EXOC6B: variants seen among roughly 807,000 people sequenced by gnomAD.
The protein encoded by EXOC6B is exocyst complex component 6B, also known as SEC15 homolog B.
A neutral mutation model predicts 113.5 loss-of-function variants in EXOC6B; 54 were observed. The ratio of observed to expected loss-of-function variants is 0.48; its 90% CI spans 0.38 to 0.60. The LOEUF (loss-of-function observed/expected upper bound fraction) is 0.60, where lower values mean the gene tolerates loss of function less well. Ranked by LOEUF, EXOC6B falls within the 20% of genes least tolerant of loss-of-function variation. The pLI is 0.00. For missense variants in EXOC6B, 797 were observed against 977.5 expected, an observed-to-expected ratio of 0.82 and a Z score of 2.46; for synonymous variants, 357 against 339.0, an observed-to-expected ratio of 1.05 and a Z score of -0.58.
chr2:72,493,838 C>G (rs1699894005), intron 15 of EXOC6B, among the ~76,000 whole-genome samples: 1 of 152,046 alleles, frequency 6.6e-6, no homozygotes, highest in South Asian at 2.1e-4. Context: ...AATAATTATT[C>G]TTAAAGCTGC....
intron 6 of EXOC6B, among the ~76,000 whole-genome samples, chr2:72,698,477 A>T (rs1678052747): frequency 6.6e-6 from 1 of 152,234 alleles, no homozygotes; most frequent in South Asian, 2.1e-4. Flanking sequence ...ATTAACATTT[A>T]GATGAATACC....
intron 1 of EXOC6B, among the ~76,000 whole-genome samples, chr2:72,799,154 C>A (rs753357358): frequency 6.8e-6 from 1 of 146,342 alleles, no homozygotes; most frequent in Non-Finnish European, 1.5e-5. Flanking sequence ...GCAGGAGAAT[C>A]GCTTGTGCCC....
intron 1 of EXOC6B, among the ~76,000 whole-genome samples, chr2:72,821,999 C>T (rs1686608303): frequency 1.3e-5 from 2 of 151,910 alleles, no homozygotes; most frequent in Non-Finnish European, 2.9e-5. Flanking sequence ...CAATGTATTT[C>T]AATATTAAAT....
chr2:72,508,857 T>A (rs1414569172), intron 11 of EXOC6B, among the ~76,000 whole-genome samples: 1 of 152,090 alleles, frequency 6.6e-6, no homozygotes, highest in Admixed American at 6.6e-5. Context: ...AATCACAATG[T>A]TGTATTGATT....
At chr2:72,807,690 G>C (rs1481988339) in intron 1 of EXOC6B, among the ~76,000 whole-genome samples, 1 of 152,116 alleles carries the variant, frequency 6.6e-6, no homozygotes, top group East Asian at 1.9e-4. Flanking sequence ...CCTGTCATTT[G>C]CAATAACATG....
chr2:72,366,034 G>A (rs1291071220), intron 19 of EXOC6B, among the ~76,000 whole-genome samples: 5 of 152,070 alleles, frequency 3.3e-5, no homozygotes, highest in Non-Finnish European at 7.4e-5. Flanking sequence ...CCAACAATAT[G>A]AAATGTAAAA....
Position 72,389,108 on chromosome 2 carries a change from T to C in EXOC6B, c.1981-9238A>G, listed in dbSNP as rs369974172. 3.3e-5 allele frequency among the ~76,000 whole-genome samples: 5 copies of C among 152,134 alleles called. No homozygotes were observed. In the East Asian group the frequency reaches 9.6e-4, roughly 29 times the overall value. The stretch of plus-strand genomic sequence containing the variant: ...ATCTATTATGTTGATCTTAGTTGTC[T>C]TTTTGTCTAATCTGCTCTGTTTCCT... On this transcript the variant is annotated intron_variant, in intron 18 of 21. Coordinates refer to ENST00000272427, the MANE Select transcript of EXOC6B (RefSeq NM_015189.3).
intron 7 of EXOC6B, among the ~76,000 whole-genome samples, chr2:72,570,138 G>T (rs544027670): frequency 2.0e-5 from 3 of 152,070 alleles, no homozygotes; most frequent in South Asian, 4.2e-4. Flanking sequence ...CAATAGGACT[G>T]GTATCCTTAT....
intron 20 of EXOC6B, among the ~76,000 whole-genome samples, chr2:72,322,124 T>A (rs1298159405): frequency 6.6e-6 from 1 of 152,184 alleles, no homozygotes; most frequent in East Asian, 1.9e-4. Flanking sequence ...TGTACATGAA[T>A]GTTCACAGCA....
At chr2:72,575,397 C>T in intron 7 of EXOC6B, 95 bp downstream of exon 7, 1 of 1,163,268 alleles carries the variant, frequency 8.6e-7, no homozygotes, top group Non-Finnish European at 1.2e-6. Context: ...GAAGATCACA[C>T]AAACTACATT....
At chr2:72,419,907 C>G (rs1386864848) in intron 18 of EXOC6B, among the ~76,000 whole-genome samples, 1 of 151,900 alleles carries the variant, frequency 6.6e-6, no homozygotes, top group Non-Finnish European at 1.5e-5. Context: ...CTCTCTTTTC[C>G]TTCTGGGGTA....
chr2:72,521,619 G>A (rs1408126769), intron 8 of EXOC6B, among the ~76,000 whole-genome samples: 1 of 152,170 alleles, frequency 6.6e-6, no homozygotes, highest in Non-Finnish European at 1.5e-5. Flanking sequence ...TATTAATGGT[G>A]TAACTTTTCA....
At chr2:72,717,093 G>C (rs1679667733) in intron 6 of EXOC6B, among the ~76,000 whole-genome samples, 3 of 152,076 alleles carry the variant, frequency 2.0e-5, no homozygotes, top group Admixed American at 2.0e-4. Context: ...TTATCATCTA[G>C]TTTTAAACTC....
chr2:72,769,786 T>C (rs1208119913), intron 1 of EXOC6B, among the ~76,000 whole-genome samples: 1 of 152,124 alleles, frequency 6.6e-6, no homozygotes, highest in East Asian at 1.9e-4. Context: ...CACTCCAGCC[T>C]GGGCGACAGA....
In EXOC6B at chr2:72,448,943, T is replaced by C. The variant is rs139363384; in HGVS notation, c.1980+16217A>G. Among the ~76,000 whole-genome samples, 118 of 152,322 alleles carry C rather than the reference T, an allele frequency of 7.7e-4. 1 individual carries two copies. In the East Asian group the frequency reaches 8.7e-3, roughly 11 times the overall value. The stretch of plus-strand genomic sequence containing the variant: ...AGAGAGTGTCATTAGCACTCTTTTA[T>C]ATATTCACAAGTTTAAAAAGAGTCG... On this transcript the variant is annotated intron_variant, in intron 18 of 21. Transcript: ENST00000272427.
intron 18 of EXOC6B, among the ~76,000 whole-genome samples, chr2:72,385,937 T>C (rs1020963969): frequency 1.1e-4 from 16 of 152,160 alleles, no homozygotes; most frequent in Non-Finnish European, 1.8e-4. Flanking sequence ...ATAGCTACTA[T>C]TGAAAACAGT....
chr2:72,650,038 G>A (rs905179904), intron 6 of EXOC6B, among the ~76,000 whole-genome samples: 2 of 152,208 alleles, frequency 1.3e-5, no homozygotes, highest in Admixed American at 6.5e-5. Flanking sequence ...CGCGGGGCAC[G>A]ACATGAGCAG....
chr2:72,317,586 C>G (rs1302211991), intron 20 of EXOC6B, among the ~76,000 whole-genome samples: 2 of 151,822 alleles, frequency 1.3e-5, no homozygotes, highest in Non-Finnish European at 2.9e-5. Flanking sequence ...CACACACACA[C>G]ACACACACAC....
At chr2:72,800,887 A>T (rs2105080688) in intron 1 of EXOC6B, among the ~76,000 whole-genome samples, 1 of 152,280 alleles carries the variant, frequency 6.6e-6, no homozygotes, top group South Asian at 2.1e-4. Flanking sequence ...ATGTAAAATA[A>T]TGGACTTTCT....
Sources: gnomAD v4.1 joint callset for allele counts (sites outside exome capture counted in the v4.1 genomes callset) on GRCh38, gnomAD v4.1.1 for gene constraint, MANE v1.5 for transcripts, NCBI Gene and HGNC (gene_info 2026-07-23, HGNC 2026-07-21) for gene names.